The following F13A1 variants were observed in gnomAD, a reference collection of about 807,000 sequenced individuals.
F13A1 encodes the protein FSF, A subunit.
Under a neutral mutation model 80.1 loss-of-function variants are expected in F13A1, and 47 were observed. That is an observed-to-expected ratio of 0.59 (90% confidence interval 0.46 to 0.75). F13A1 has a LOEUF of 0.75. F13A1 is among the 30% of genes least tolerant of loss of function. The pLI is 0.00. For missense variants in F13A1, 817 were observed against 930.4 expected (o/e 0.88, Z 1.59); for synonymous variants, 349 against 344.9 (o/e 1.01, Z -0.13).
chr6:6,165,059 G>A (rs950398234), intron 13 of F13A1, among the ~76,000 whole-genome samples: 1 of 152,192 alleles, frequency 6.6e-6, no homozygotes, highest in Non-Finnish European at 1.5e-5. Context: ...AATGGTTAAA[G>A]GACAGTTTAT....
intron 3 of F13A1, among the ~76,000 whole-genome samples, chr6:6,284,231 C>G (rs1758105598): frequency 6.6e-6 from 1 of 152,116 alleles, no homozygotes; most frequent in Non-Finnish European, 1.5e-5. Context: ...GGCTAACACT[C>G]CACTCAAATG....
chr6:6,153,569 C>T (rs538208730), intron 13 of F13A1, among the ~76,000 whole-genome samples: 4 of 152,320 alleles, frequency 2.6e-5, no homozygotes, highest in Non-Finnish European at 5.9e-5. Flanking sequence ...ATCCGCATCT[C>T]CTGGAGGGCA....
chr6:6,171,639 T>C (rs1038199349), intron 12 of F13A1, among the ~76,000 whole-genome samples: 5 of 152,240 alleles, frequency 3.3e-5, no homozygotes, highest in African/African-American at 1.2e-4. Context: ...CAGCAGCCAG[T>C]GGTCTTTTCA....
intron 13 of F13A1, among the ~76,000 whole-genome samples, chr6:6,161,410 A>G (rs1335572004): frequency 6.6e-6 from 1 of 152,102 alleles, no homozygotes; most frequent in Non-Finnish European, 1.5e-5. Context: ...AAACATTGCT[A>G]CAGATGTCAA....
At chr6:6,285,524 C>A (rs893430917) in intron 3 of F13A1, among the ~76,000 whole-genome samples, 2 of 152,198 alleles carry the variant, frequency 1.3e-5, no homozygotes, top group African/African-American at 4.8e-5. Context: ...CACATCCAGC[C>A]CCAGCTTCCT....
chr6:6,316,078 CATATATATATATATATATATAT>C (rs57716665), intron 2 of F13A1, among the ~76,000 whole-genome samples: 610 of 34,916 alleles, frequency 0.017, 31 homozygotes, highest in Middle Eastern at 0.059. Context: ...TGTGTGTGTG[CATATATATATATATATATATAT>C]ATATATATAT....
chr6:6,203,866 C>T (rs1273885272), intron 8 of F13A1, among the ~76,000 whole-genome samples: 2 of 152,178 alleles, frequency 1.3e-5, no homozygotes, highest in African/African-American at 4.8e-5. Context: ...AAAATAGATA[C>T]TTCTTACTTT....
chr6:6,278,945 T>C (rs990826104), intron 3 of F13A1, among the ~76,000 whole-genome samples: 2 of 152,160 alleles, frequency 1.3e-5, no homozygotes, highest in Non-Finnish European at 2.9e-5. Context: ...GCTATGAAGA[T>C]CTCTTGACCT....
At chr6:6,236,276 T>C (rs771452242) in intron 6 of F13A1, among the ~76,000 whole-genome samples, 5 of 152,148 alleles carry the variant, frequency 3.3e-5, no homozygotes, top group Non-Finnish European at 5.9e-5. Flanking sequence ...AATTGTACAT[T>C]AAGTATGCAC....
At chr6:6,178,051 G>GT (rs1482741746) in intron 11 of F13A1, among the ~76,000 whole-genome samples, 16 of 133,880 alleles carry the variant, frequency 1.2e-4, no homozygotes, top group African/African-American at 4.6e-4. Flanking sequence ...GAGAGGGGGG[G>GT]GGGGGTGGGG....
At chr6:6,270,192 G>T (rs1418568868) in intron 3 of F13A1, among the ~76,000 whole-genome samples, 1 of 152,170 alleles carries the variant, frequency 6.6e-6, no homozygotes. Context: ...GCCAACATCT[G>T]CCTTAGAGGA....
intron 8 of F13A1, among the ~76,000 whole-genome samples, chr6:6,217,697 TAAAAA>T (rs1350728193): frequency 6.6e-6 from 1 of 151,682 alleles, no homozygotes; most frequent in Non-Finnish European, 1.5e-5. Context: ...TAAATAAAAA[TAAAAA>T]TAAAATAATG....
chr6:6,168,438 T>C (rs1760715071), intron 12 of F13A1, among the ~76,000 whole-genome samples: 1 of 152,154 alleles, frequency 6.6e-6, no homozygotes, highest in Non-Finnish European at 1.5e-5. Flanking sequence ...TGTCCAGGAT[T>C]CTAGAGAGCA....
chr6:6,284,906 T>A (rs1758114538), intron 3 of F13A1, among the ~76,000 whole-genome samples: 1 of 152,194 alleles, frequency 6.6e-6, no homozygotes, highest in South Asian at 2.1e-4. Context: ...CTTCGGCCAG[T>A]CGTGTCACAC....
intron 3 of F13A1, among the ~76,000 whole-genome samples, chr6:6,271,236 G>T (rs1332215251): frequency 2.0e-5 from 3 of 152,204 alleles, no homozygotes; most frequent in African/African-American, 7.2e-5. Context: ...TGAATGTAAT[G>T]ATTTCAGTGA....
chr6:6,283,610 T>C (rs1758096026), intron 3 of F13A1, among the ~76,000 whole-genome samples: 1 of 152,242 alleles, frequency 6.6e-6, no homozygotes, highest in African/African-American at 2.4e-5. Flanking sequence ...AAAAAAACTT[T>C]TAAACAACAA....
intron 8 of F13A1, among the ~76,000 whole-genome samples, chr6:6,208,408 A>C (rs1583072068): frequency 6.6e-6 from 1 of 152,124 alleles, no homozygotes; most frequent in East Asian, 1.9e-4. Flanking sequence ...TTACTTATGC[A>C]GTTGATGAAG....
chr6:6,235,648 G>A (rs1232341889), intron 6 of F13A1, among the ~76,000 whole-genome samples: 1 of 151,998 alleles, frequency 6.6e-6, no homozygotes, highest in African/African-American at 2.4e-5. Flanking sequence ...GTGTCCGGGA[G>A]GATATGCAAC....
intron 8 of F13A1, among the ~76,000 whole-genome samples, chr6:6,202,831 GC>G (rs1246873151): frequency 6.6e-6 from 1 of 152,224 alleles, no homozygotes; most frequent in African/African-American, 2.4e-5. Flanking sequence ...TTTCAAGGAT[GC>G]TAATAATTCA....
Sources: allele counts gnomAD v4.1 joint callset (sites outside exome capture counted in the v4.1 genomes callset), GRCh38; gene constraint gnomAD v4.1.1; transcripts MANE v1.5; gene names NCBI Gene and HGNC (gene_info 2026-07-23, HGNC 2026-07-21).